MCTP2: variants seen among roughly 807,000 people sequenced by gnomAD.
The protein encoded by MCTP2 is multiple C2 and transmembrane domain containing 2, also known as multiple C2 and transmembrane domain-containing protein 2.
Under a neutral mutation model 111.6 loss-of-function variants are expected in MCTP2, and 132 were observed. That is an observed-to-expected ratio of 1.18 (90% CI 1.03 to 1.37). The LOEUF is 1.37. Ranked by LOEUF, MCTP2 falls within the 40% of genes most tolerant of loss-of-function variation. MCTP2 has a pLI of 0.00. For synonymous variants in MCTP2, 395 were observed against 387.7 expected (o/e 1.02, Z -0.22); for missense variants, 1,183 against 1,067.9 (o/e 1.11, Z -1.50).
At chr15:94,342,642 C>G (rs1262533143) in intron 7 of MCTP2, 5 of 151,298 alleles carry the variant, frequency 3.3e-5, no homozygotes, top group Non-Finnish European at 4.4e-5. Flanking sequence ...ATATTTGTCT[C>G]CATATATACG....
At chr15:94,302,970 A>G (rs2075695576) in intron 2 of MCTP2, among the ~76,000 whole-genome samples, 1 of 151,408 alleles carries the variant, frequency 6.6e-6, no homozygotes, top group African/African-American at 2.4e-5. Context: ...GGAGCAAGTC[A>G]TGTCTTACAT....
At chr15:94,384,001 A>ATG in intron 12 of MCTP2, 21 bp from the exon 13 acceptor site, 1 of 1,539,750 alleles carries the variant, frequency 6.5e-7, no homozygotes, top group Non-Finnish European at 9.0e-7. Flanking sequence ...TCTTTGACCG[A>ATG]TGTGTATGTT....
At chr15:94,311,161 A>G (rs544708543) in intron 2 of MCTP2, among the ~76,000 whole-genome samples, 7 of 151,522 alleles carry the variant, frequency 4.6e-5, no homozygotes, top group African/African-American at 1.5e-4. Flanking sequence ...AGAAACTGGG[A>G]TGACAGGTGC....
intron 17 of MCTP2, 42 bp downstream of exon 17, chr15:94,402,061 T>C: frequency 1.2e-6 from 2 of 1,600,806 alleles, no homozygotes; most frequent in Non-Finnish European, 1.7e-6. Flanking sequence ...GCTTCTTATT[T>C]GCATCTATTC....
intron 4 of MCTP2, among the ~76,000 whole-genome samples, chr15:94,326,139 A>C (rs559832452): frequency 6.6e-6 from 1 of 151,978 alleles, no homozygotes; most frequent in African/African-American, 2.4e-5. Flanking sequence ...TTTAAAATCT[A>C]TTTTTCTTTC....
At chr15:94,303,580 A>G (rs1181885643) in intron 2 of MCTP2, among the ~76,000 whole-genome samples, 5 of 152,116 alleles carry the variant, frequency 3.3e-5, no homozygotes, top group Admixed American at 2.0e-4. Flanking sequence ...CCAGTCATAA[A>G]ACCATCAGAT....
intron 2 of MCTP2, 123 bp downstream of exon 2, chr15:94,298,853 TC>T: frequency 4.1e-6 from 1 of 245,996 alleles, no homozygotes; most frequent in Non-Finnish European, 6.6e-6. Flanking sequence ...TCTTCCCCCC[TC>T]CCCCTCCCTC....
At chr15:94,262,836 A>C (rs2152284473) in intron 1 of MCTP2, among the ~76,000 whole-genome samples, 1 of 152,054 alleles carries the variant, frequency 6.6e-6, no homozygotes, top group East Asian at 1.9e-4. Context: ...ATGGCCATGT[A>C]ATTTTTATAT....
At chr15:94,295,363 G>T (rs2075225502) in intron 1 of MCTP2, among the ~76,000 whole-genome samples, 2 of 152,116 alleles carry the variant, frequency 1.3e-5, no homozygotes, top group South Asian at 4.1e-4. Flanking sequence ...ATATCTGTCT[G>T]TCTGTCTCCA....
intron 16 of MCTP2, 29 bp downstream of exon 16, chr15:94,400,024 A>G (rs771025042): frequency 2.5e-6 from 4 of 1,598,852 alleles, no homozygotes; most frequent in Non-Finnish European, 8.6e-7. Flanking sequence ...TGGCTTGTTG[A>G]TTGGTACACT....
chr15:94,329,437 G>A (rs1038531353), intron 4 of MCTP2, among the ~76,000 whole-genome samples: 12 of 152,206 alleles, frequency 7.9e-5, no homozygotes, highest in Non-Finnish European at 1.5e-4. Context: ...TCCACAGGCT[G>A]TACAGGAAGC....
Position 94,249,355 on chromosome 15 carries a change from A to G in MCTP2, c.-66+17691A>G, listed in dbSNP as rs565349632. The stretch of plus-strand genomic sequence containing the variant: ...GTTGTAGGATATTTCTGGTCCTTCT[A>G]TAGGATCTATGGTTCTGATATTTGT... On this transcript the variant is annotated intron_variant, in intron 1 of 22. Transcript: ENST00000357742. Among the ~76,000 whole-genome samples, 159 of 152,254 alleles carry G rather than the reference A, an allele frequency of 1.0e-3. 1 individual carries two copies. Among genetic ancestry groups the G allele is most frequent in the African/African-American group, 3.6e-3 (151 of 41,554 alleles).
Position 94,476,677 on chromosome 15 carries a change from C to A in MCTP2, c.2471-19C>A. ...ACAGACAGACAGATAAAGAGATCTC[C>A]TGTGTTTCTATTTTTCAGGCATAAA... On this transcript the variant is annotated intron_variant, in intron 21 of 22. Transcript: ENST00000357742. 1 of 1,238,164 alleles carries A rather than the reference C, an allele frequency of 8.1e-7. No individual in the cohort carries two copies. Among genetic ancestry groups the A allele is most frequent in the African/African-American group, 1.5e-5 (1 of 67,310 alleles). 76.7% of individuals were successfully genotyped at this position (1,238,164 alleles called of 1,614,324 possible). A position where few individuals can be genotyped will look rare whatever the true frequency, so the allele number is the denominator to read the frequency against.
Position 94,478,876 on chromosome 15 carries a change from G to A in MCTP2, c.2569-90G>A, listed in dbSNP as rs371356414. ...ATTACCTTTGAACCTTCCTTCCTTT[G>A]CCTTCGGTTGTCCTTGGGGAGCCAT... On this transcript the variant is annotated intron_variant, in intron 22 of 22. Coordinates refer to ENST00000357742, the MANE Select transcript of MCTP2 (RefSeq NM_001385001.1). 6.6e-6 allele frequency: 7 copies of A among 1,054,068 alleles called. No homozygotes were observed. The African/African-American group carries it at 1.1e-4, about 17-fold the overall frequency. The allele number at this position is 1,054,068 out of a possible 1,614,324, so 65.3% of individuals were successfully genotyped here. A position where few individuals can be genotyped will look rare whatever the true frequency, so the allele number is the denominator to read the frequency against.
intron 1 of MCTP2, among the ~76,000 whole-genome samples, chr15:94,232,304 A>G (rs997764399): frequency 1.3e-5 from 2 of 152,142 alleles, no homozygotes; most frequent in African/African-American, 4.8e-5. Flanking sequence ...GTTGCCATAA[A>G]AGAGGTTTTC....
At chr15:94,250,574 A>G (rs1445498895) in intron 1 of MCTP2, among the ~76,000 whole-genome samples, 6 of 152,206 alleles carry the variant, frequency 3.9e-5, no homozygotes, top group African/African-American at 7.2e-5. Flanking sequence ...ATTTAGCTAA[A>G]TGAATTTATA....
rs762224172 is a variant in MCTP2, at chr15:94,454,077, A to G, written c.2251-4060A>G. On this transcript the variant is annotated intron_variant, in intron 19 of 22. Transcript: ENST00000357742. ...CTTCCTGCCAAAGGATGCAAACACA[A>G]TATCAGAGAACTTTGTGAAATTATT... 4.1e-4 allele frequency among the ~76,000 whole-genome samples: 63 copies of G among 152,378 alleles called. 1 individual carries two copies. The highest frequency in any genetic ancestry group is 2.2e-4 in the Non-Finnish European group (15 of 68,036).
At position 94,408,798 on chromosome 15, in the gene MCTP2, A is replaced by G. The variant is rs555755506; in HGVS notation, c.2085+6779A>G. Among the ~76,000 whole-genome samples, 3 of 152,316 alleles carry G rather than the reference A, an allele frequency of 2.0e-5. No individual in the cohort carries two copies. In the East Asian group the frequency reaches 5.8e-4, roughly 29 times the overall value. On this transcript the variant is annotated intron_variant, in intron 17 of 22. Transcript: ENST00000357742. ...ATTCTTTTGGAGCATTCCAATTTTGACTAGTAAACATTAGATCTCAATTAT... is the reference window on the plus strand; with the variant it reads ...ATTCTTTTGGAGCATTCCAATTTTGGCTAGTAAACATTAGATCTCAATTAT...
intron 4 of MCTP2, among the ~76,000 whole-genome samples, chr15:94,318,943 A>G (rs1318628587): frequency 6.6e-6 from 1 of 152,186 alleles, no homozygotes; most frequent in Non-Finnish European, 1.5e-5. Flanking sequence ...CAAACCTAAT[A>G]TAATCCAAAT....
Sources: gnomAD v4.1 joint callset for allele counts (sites outside exome capture counted in the v4.1 genomes callset) on GRCh38, gnomAD v4.1.1 for gene constraint, MANE v1.5 for transcripts, NCBI Gene and HGNC (gene_info 2026-07-23, HGNC 2026-07-21) for gene names.